The following AKAP5 variants were observed in gnomAD, a reference collection of about 807,000 sequenced individuals.
AKAP5 encodes the protein A-kinase anchor protein 5.
In AKAP5, 5 loss-of-function variants were observed where a neutral mutation model predicts 13.8. The ratio of observed to expected loss-of-function variants is 0.36; its 90% confidence interval spans 0.19 to 0.76. The LOEUF (loss-of-function observed/expected upper bound fraction) is 0.76. Among genes scored for constraint, AKAP5 ranks in the 30% least tolerant of loss-of-function variants. The probability of loss-of-function intolerance (pLI) is 0.51; values close to 1 mark genes in which losing one functional copy is unlikely to be tolerated. For synonymous variants in AKAP5, 148 were observed against 167.2 expected (o/e 0.89, Z 0.89); for missense variants, 406 against 484.4 (o/e 0.84, Z 1.52).
Position 64,469,647 on chromosome 14 carries a change from A to G in AKAP5, c.1253A>G (p.Asp418Gly). ...IEQLVNEMAS[D>G]DNKINNLLQ is the part of the protein sequence containing the mutation. ...CAGCTGGTTAATGAAATGGCCTCTG[A>G]TGATAATAAAATAAACAATCTTCTA... The change falls in exon 2 of 2, where the codon GAT becomes GGT. Residue 418 changes from aspartate (D) to glycine (G), a missense_variant. Physicochemically the swap from Asp to Gly is moderately conservative, Grantham distance 94 (BLOSUM62 -1). Coordinates refer to ENST00000394718, the MANE Select transcript of AKAP5 (RefSeq NM_004857.3). 3 of 1,595,848 alleles carry G rather than the reference A, an allele frequency of 1.9e-6. No homozygotes were observed. Among genetic ancestry groups the G allele is most frequent in the Non-Finnish European group, 2.6e-6 (3 of 1,174,392 alleles).
Position 64,469,725 on chromosome 14 carries a change from T to G in AKAP5, c.*47T>G. ...AGAAAAAACAAGCTTAATGAAGAAT[T>G]CTTTTATACATTTGTGGCATTTCTT... On this transcript the variant is annotated 3_prime_UTR_variant, in exon 2 of 2. Coordinates refer to ENST00000394718, the MANE Select transcript of AKAP5 (RefSeq NM_004857.3). The G allele has an allele frequency of 2.5e-6, 3 of 1,183,276 alleles. No homozygotes were observed. Among genetic ancestry groups the G allele is most frequent in the Non-Finnish European group, 3.6e-6 (3 of 840,844 alleles). The allele number at this position is 1,183,276 out of a possible 1,614,324, so 73.3% of individuals were successfully genotyped here.
rs2078655934 is a variant in AKAP5 at position 64,470,372 on chromosome 14, CTAAG to C, written c.*695_*698del. 6.1e-6 allele frequency: 1 copy of C among 165,064 alleles called. No individual in the cohort carries two copies. The highest frequency in any genetic ancestry group is 2.4e-5 in the African/African-American group (1 of 41,424). The allele number at this position is 165,064 out of a possible 1,614,324, so 10.2% of individuals were successfully genotyped here. A position where few individuals can be genotyped will look rare whatever the true frequency, so the allele number is the denominator to read the frequency against. On this transcript the variant is annotated 3_prime_UTR_variant, in exon 2 of 2. Coordinates refer to ENST00000394718, the MANE Select transcript of AKAP5 (RefSeq NM_004857.3). ...TGGGAGGCCAAGGCGGGTGGATCAG[CTAAG>C]GTCAGGAGTTCGAGACCAGCCTGGC...
chr14:64,468,403 C>T lies in AKAP5; in HGVS notation c.9C>T (p.Thr3=). 1 of 1,600,720 alleles carries T rather than the reference C, an allele frequency of 6.2e-7. No homozygotes were observed. The highest frequency in any genetic ancestry group is 8.5e-7 in the Non-Finnish European group (1 of 1,175,508). ME[T]TISEIHVENK... is the part of the protein sequence containing the mutation. ...AAGAGTGCAGTGTAAAAATGGAAAC[C>T]ACAATTTCAGAAATTCATGTAGAAA... Residue 3 remains threonine (T), a synonymous_variant, in exon 2 of 2, where the codon ACC becomes ACT. Coordinates refer to ENST00000394718, the MANE Select transcript of AKAP5 (RefSeq NM_004857.3).
Position 64,468,660 on chromosome 14 carries a change from G to C in AKAP5, c.266G>C (p.Arg89Thr). ...WASLKRLVTR[R>T]KRSESSKQQK... ...TCACTCAAACGTCTTGTAACACGCA[G>C]GAAAAGGTCAGAGTCTTCAAAGCAG... Residue 89 changes from arginine (R) to threonine (T), a missense_variant, in exon 2 of 2, where the codon AGG becomes ACG. Physicochemically the swap from Arg to Thr is moderately conservative, Grantham distance 71. Coordinates refer to ENST00000394718, the MANE Select transcript of AKAP5 (RefSeq NM_004857.3). 6.2e-7 allele frequency: 1 copy of C among 1,613,976 alleles called. No individual in the cohort carries two copies. The highest frequency in any genetic ancestry group is 8.5e-7 in the Non-Finnish European group (1 of 1,180,034).
In AKAP5 at chr14:64,471,159, T is replaced by C. The variant is rs976091977; in HGVS notation, c.*1481T>C. The C allele has an allele frequency of 6.2e-5, 10 of 160,874 alleles. No homozygotes were observed. Among genetic ancestry groups the C allele is most frequent in the East Asian group, 3.9e-4 (2 of 5,176 alleles). 10.0% of individuals were successfully genotyped at this position (160,874 alleles called of 1,614,324 possible). A position where few individuals can be genotyped will look rare whatever the true frequency, so the allele number is the denominator to read the frequency against. Reference sequence around the variant, plus strand: ...TTTCATCACTATTTTCTTTTCTTTTTTTTTTTTTTTTGAGATGGAGTCTCA... The same window carrying C: ...TTTCATCACTATTTTCTTTTCTTTTCTTTTTTTTTTTGAGATGGAGTCTCA... On this transcript the variant is annotated 3_prime_UTR_variant, in exon 2 of 2. Coordinates refer to ENST00000394718, the MANE Select transcript of AKAP5 (RefSeq NM_004857.3).
In AKAP5 at chr14:64,472,223, G is replaced by A. The variant is rs898044940; in HGVS notation, c.*2545G>A. ...CAGCTACCAGCTATCATATTTAAAA[G>A]TGAACCATTTTAAAAACCTGACTAA... On this transcript the variant is annotated 3_prime_UTR_variant, in exon 2 of 2. Transcript: ENST00000394718. The A allele has an allele frequency of 6.0e-6, 1 of 167,056 alleles. No homozygotes were observed. Among genetic ancestry groups the A allele is most frequent in the Non-Finnish European group, 1.5e-5 (1 of 68,108 alleles). 10.3% of individuals were successfully genotyped at this position (167,056 alleles called of 1,614,324 possible).
rs2078647390 is a variant in AKAP5, at chr14:64,469,685, C to T, written c.*7C>T. 1 of 1,535,970 alleles carries T rather than the reference C, an allele frequency of 6.5e-7. No homozygotes were observed. Among genetic ancestry groups the T allele is most frequent in the African/African-American group, 1.4e-5 (1 of 71,708 alleles). On this transcript the variant is annotated 3_prime_UTR_variant, in exon 2 of 2. Coordinates refer to ENST00000394718, the MANE Select transcript of AKAP5 (RefSeq NM_004857.3). Reference sequence around the variant, plus strand: ...AAACAATCTTCTACAGTGACTTACTCTCCAGAGTCACGGCAGAAAAAACAA... The same window carrying T: ...AAACAATCTTCTACAGTGACTTACTTTCCAGAGTCACGGCAGAAAAAACAA...
chr14:64,469,379 T>A lies in AKAP5; in HGVS notation c.985T>A (p.Ser329Thr), dbSNP rs2078643995. ...ENGITEEKSK[S>T]EESKRMEPIA... ...TGGGATCACTGAAGAGAAATCCAAA[T>A]CAGAAGAAAGCAAAAGAATGGAGCC... The change falls in exon 2 of 2, where the codon TCA becomes ACA. Residue 329 changes from serine to threonine, a missense_variant. Coordinates refer to ENST00000394718, the MANE Select transcript of AKAP5 (RefSeq NM_004857.3). 6.2e-7 allele frequency: 1 copy of A among 1,613,834 alleles called. No individual in the cohort carries two copies. Among genetic ancestry groups the A allele is most frequent in the Non-Finnish European group, 8.5e-7 (1 of 1,179,954 alleles).
rs1428539259 is a variant in AKAP5 at position 64,473,283 on chromosome 14, A to C, written c.*3605A>C. ...CCCTGCCACCTCCTCCACCTCAAAGAATAATAAGCATGTGGCATAAATGGA... is the reference window on the plus strand; with the variant it reads ...CCCTGCCACCTCCTCCACCTCAAAGCATAATAAGCATGTGGCATAAATGGA... On this transcript the variant is annotated 3_prime_UTR_variant, in exon 2 of 2. Transcript: ENST00000394718. 6.0e-6 allele frequency: 1 copy of C among 167,110 alleles called. No homozygotes were observed. Among genetic ancestry groups the C allele is most frequent in the East Asian group, 1.9e-4 (1 of 5,208 alleles). The allele number at this position is 167,110 out of a possible 1,614,324, so 10.4% of individuals were successfully genotyped here. A position where few individuals can be genotyped will look rare whatever the true frequency, so the allele number is the denominator to read the frequency against.
chr14:64,466,450 T>C (rs1406310504), intron 1 of AKAP5, among the ~76,000 whole-genome samples: 1 of 152,220 alleles, frequency 6.6e-6, no homozygotes, highest in Non-Finnish European at 1.5e-5. Flanking sequence ...TTCTATTATG[T>C]GGTAATACAG....
rs745663604 is a variant in AKAP5, at chr14:64,469,381, A to G, written c.987A>G (p.Ser329=). The part of the protein sequence containing the change: ...ENGITEEKSK[S]EESKRMEPIA... Reference sequence around the variant, plus strand: ...GGATCACTGAAGAGAAATCCAAATCAGAAGAAAGCAAAAGAATGGAGCCAA... The same window carrying G: ...GGATCACTGAAGAGAAATCCAAATCGGAAGAAAGCAAAAGAATGGAGCCAA... The change falls in exon 2 of 2, where the codon TCA becomes TCG. Residue 329 remains serine (S), a synonymous_variant. Coordinates refer to ENST00000394718, the MANE Select transcript of AKAP5 (RefSeq NM_004857.3). 5.6e-6 allele frequency: 9 copies of G among 1,614,150 alleles called. No individual in the cohort carries two copies. The Admixed American group carries it at 8.3e-5, about 15-fold the overall frequency.
In AKAP5 at chr14:64,469,724, T is replaced by A; in HGVS notation, c.*46T>A. 7.3e-5 allele frequency: 75 copies of A among 1,032,108 alleles called. No homozygotes were observed. The highest frequency in any genetic ancestry group is 1.0e-4 in the Non-Finnish European group (73 of 705,910). The allele number at this position is 1,032,108 out of a possible 1,614,324, so 63.9% of individuals were successfully genotyped here. A position where few individuals can be genotyped will look rare whatever the true frequency, so the allele number is the denominator to read the frequency against. ...CAGAAAAAACAAGCTTAATGAAGAA[T>A]TCTTTTATACATTTGTGGCATTTCT... On this transcript the variant is annotated 3_prime_UTR_variant, in exon 2 of 2. Transcript: ENST00000394718.
At position 64,469,849 on chromosome 14, in the gene AKAP5, C is replaced by G; in HGVS notation, c.*171C>G. 1 of 546,122 alleles carries G rather than the reference C, an allele frequency of 1.8e-6. No homozygotes were observed. The highest frequency in any genetic ancestry group is 3.7e-5 in the Admixed American group (1 of 26,670). 33.8% of individuals were successfully genotyped at this position (546,122 alleles called of 1,614,324 possible). ...TTAAGTCAAGTTTATAAAACTCTACCACTGAAATGCAGTCACTTCTGGATT... is the reference window on the plus strand; with the variant it reads ...TTAAGTCAAGTTTATAAAACTCTACGACTGAAATGCAGTCACTTCTGGATT... On this transcript the variant is annotated 3_prime_UTR_variant, in exon 2 of 2. Transcript: ENST00000394718.
rs2078636536 is a variant in AKAP5, at chr14:64,468,664, A to G, written c.270A>G (p.Lys90=). Residue 90 remains lysine, a synonymous_variant, in exon 2 of 2, where the codon AAA becomes AAG. Coordinates refer to ENST00000394718, the MANE Select transcript of AKAP5 (RefSeq NM_004857.3). ...TCAAACGTCTTGTAACACGCAGGAA[A>G]AGGTCAGAGTCTTCAAAGCAGCAAA... ...ASLKRLVTRR[K]RSESSKQQKP... The G allele has an allele frequency of 2.5e-6, 4 of 1,613,926 alleles. No homozygotes were observed. The African/African-American group carries it at 4.0e-5, about 16-fold the overall frequency.
At position 64,469,086 on chromosome 14, in the gene AKAP5, A is replaced by T; in HGVS notation, c.692A>T (p.Glu231Val). 3 of 1,614,020 alleles carry T rather than the reference A, an allele frequency of 1.9e-6. No individual in the cohort carries two copies. Among genetic ancestry groups the T allele is most frequent in the Non-Finnish European group, 2.5e-6 (3 of 1,179,982 alleles). The stretch of plus-strand genomic sequence containing the variant: ...ATTCAAACGGGAACTCTAATCCTTG[A>T]AGAAATTGAAACGATCAAGGAAAAA... ...SAIQTGTLIL[E>V]EIETIKEKQD... The change falls in exon 2 of 2, where the codon GAA becomes GTA. Residue 231 changes from glutamate to valine, a missense_variant. Transcript: ENST00000394718.
Position 64,469,093 on chromosome 14 carries a change from T to G in AKAP5, c.699T>G (p.Ile233Met). The G allele has an allele frequency of 6.2e-7, 1 of 1,613,950 alleles. No individual in the cohort carries two copies. The highest frequency in any genetic ancestry group is 8.5e-7 in the Non-Finnish European group (1 of 1,179,970). Residue 233 changes from isoleucine to methionine, a missense_variant, in exon 2 of 2, where the codon ATT (isoleucine) becomes ATG (methionine). Physicochemically the swap from Ile to Met is conservative, Grantham distance 10. Coordinates refer to ENST00000394718, the MANE Select transcript of AKAP5 (RefSeq NM_004857.3). ...CGGGAACTCTAATCCTTGAAGAAATTGAAACGATCAAGGAAAAACAAGATG... is the reference window on the plus strand; with the variant it reads ...CGGGAACTCTAATCCTTGAAGAAATGGAAACGATCAAGGAAAAACAAGATG... The part of the protein sequence containing the change: ...IQTGTLILEE[I>M]ETIKEKQDVQ...
chr14:64,468,157 T>G lies in AKAP5; in HGVS notation c.-238T>G, dbSNP rs2078630500. The G allele has an allele frequency of 3.5e-6, 1 of 289,754 alleles. No individual in the cohort carries two copies. Among genetic ancestry groups the G allele is most frequent in the African/African-American group, 2.2e-5 (1 of 45,602 alleles). The allele number at this position is 289,754 out of a possible 1,614,324, so 17.9% of individuals were successfully genotyped here. On this transcript the variant is annotated 5_prime_UTR_variant, in exon 2 of 2. The change creates a new upstream start codon in the 5' untranslated region. Coordinates refer to ENST00000394718, the MANE Select transcript of AKAP5 (RefSeq NM_004857.3). ...GTTGATCTTTAAATAAAGCAAAAAT[T>G]TATCCAAAGAAGGGCTTTCATCAAG...
In AKAP5 at chr14:64,469,099, G is replaced by A. The variant is rs767093043; in HGVS notation, c.705G>A (p.Thr235=). The change falls in exon 2 of 2, where the codon ACG becomes ACA. Residue 235 remains threonine, a synonymous_variant. Coordinates refer to ENST00000394718, the MANE Select transcript of AKAP5 (RefSeq NM_004857.3). ...TGTLILEEIE[T]IKEKQDVQPQ... is the part of the protein sequence containing the mutation. ...CTCTAATCCTTGAAGAAATTGAAAC[G>A]ATCAAGGAAAAACAAGATGTTCAAC... 1.2e-6 allele frequency: 2 copies of A among 1,613,872 alleles called. No individual in the cohort carries two copies. Among genetic ancestry groups the A allele is most frequent in the South Asian group, 1.1e-5 (1 of 91,020 alleles).
chr14:64,468,915 C>T lies in AKAP5; in HGVS notation c.521C>T (p.Thr174Ile), dbSNP rs761654705. The T allele has an allele frequency of 1.2e-6, 2 of 1,614,124 alleles. No homozygotes were observed. Among genetic ancestry groups the T allele is most frequent in the Non-Finnish European group, 8.5e-7 (1 of 1,180,028 alleles). The change falls in exon 2 of 2, where the codon ACA (threonine) becomes ATA (isoleucine). Residue 174 changes from threonine to isoleucine, a missense_variant. Coordinates refer to ENST00000394718, the MANE Select transcript of AKAP5 (RefSeq NM_004857.3). ...CAGACCCCATTGAATGATCAGGCAA[C>T]AAAGGCTAAGTCAACCCAGGATCTA... ...QTQTPLNDQATKAKSTQDLSE... is the reference protein window; with the variant it reads ...QTQTPLNDQAIKAKSTQDLSE...
Sources: allele counts gnomAD v4.1 joint callset (sites outside exome capture counted in the v4.1 genomes callset), GRCh38; gene constraint gnomAD v4.1.1; transcripts MANE v1.5; gene names NCBI Gene and HGNC (gene_info 2026-07-23, HGNC 2026-07-21).